GADL1: variants seen among roughly 807,000 people sequenced by gnomAD.
The protein encoded by GADL1 is acidic amino acid decarboxylase GADL1.
In GADL1, 71 loss-of-function variants were observed where a neutral mutation model predicts 69.5. That is an observed-to-expected ratio of 1.02 (90% CI 0.84 to 1.25). The LOEUF is 1.25. GADL1 is among the 50% of genes most tolerant of loss of function. GADL1 has a pLI of 0.00. For synonymous variants in GADL1, 254 were observed against 214.4 expected (o/e 1.18, Z -1.62); for missense variants, 737 against 631.8 (o/e 1.17, Z -1.79).
At chr3:30,741,190 ATGTGTGTGTGTG>A (rs60283911) in intron 14 of GADL1, among the ~76,000 whole-genome samples, 4 of 132,634 alleles carry the variant, frequency 3.0e-5, no homozygotes, top group Admixed American at 7.7e-5. Flanking sequence ...TTATATAATT[ATGTGTGTGTGTG>A]TGTGTGTGTG....
At chr3:30,810,185 C>CTT (rs1697324778) in intron 11 of GADL1, among the ~76,000 whole-genome samples, 1 of 152,152 alleles carries the variant, frequency 6.6e-6, no homozygotes, top group Non-Finnish European at 1.5e-5. Flanking sequence ...CACAAACTGG[C>CTT]TTGATGGTCT....
At chr3:30,870,994 T>G (rs1218010350) in intron 1 of GADL1, among the ~76,000 whole-genome samples, 1 of 150,874 alleles carries the variant, frequency 6.6e-6, no homozygotes, top group Non-Finnish European at 1.5e-5. Context: ...ACAAGATTCA[T>G]GCCATGGACA....
chr3:30,751,327 G>A (rs182997943), intron 14 of GADL1, among the ~76,000 whole-genome samples: 3 of 152,176 alleles, frequency 2.0e-5, no homozygotes, highest in Admixed American at 6.5e-5. Context: ...ATTGTGGTAA[G>A]GAGACTCTTG....
intron 1 of GADL1, among the ~76,000 whole-genome samples, chr3:30,876,399 T>G (rs1385149219): frequency 6.9e-6 from 1 of 145,848 alleles, no homozygotes; most frequent in African/African-American, 2.6e-5. Context: ...ATTGGTAGCA[T>G]TCGCCTATTT....
chr3:30,874,053 G>A (rs916459566), intron 1 of GADL1, among the ~76,000 whole-genome samples: 2 of 151,876 alleles, frequency 1.3e-5, no homozygotes, highest in Non-Finnish European at 2.9e-5. Context: ...TTCTAGGGAG[G>A]GAGGACACTG....
At chr3:30,860,700 C>T (rs1698307553) in intron 2 of GADL1, among the ~76,000 whole-genome samples, 1 of 151,906 alleles carries the variant, frequency 6.6e-6, no homozygotes, top group South Asian at 2.1e-4. Context: ...AAATCTCTTC[C>T]TTACATCCAT....
chr3:30,841,597 G>A (rs1352297702), intron 8 of GADL1, among the ~76,000 whole-genome samples: 1 of 152,094 alleles, frequency 6.6e-6, no homozygotes, highest in Non-Finnish European at 1.5e-5. Flanking sequence ...TGTTTCCTTA[G>A]GGAAACAAAA....
chr3:30,845,888 C>T (rs903538610), intron 6 of GADL1, among the ~76,000 whole-genome samples: 9 of 152,058 alleles, frequency 5.9e-5, no homozygotes, highest in African/African-American at 2.2e-4. Context: ...CCACTGACAT[C>T]TAACTATAAG....
intron 14 of GADL1, among the ~76,000 whole-genome samples, chr3:30,760,685 T>C (rs998675412): frequency 1.3e-5 from 2 of 152,196 alleles, no homozygotes; most frequent in African/African-American, 4.8e-5. Flanking sequence ...TAGTGAAGCT[T>C]CTAATTTGAA....
intron 11 of GADL1, among the ~76,000 whole-genome samples, chr3:30,804,228 G>A (rs1697213818): frequency 6.6e-6 from 1 of 152,108 alleles, no homozygotes; most frequent in South Asian, 2.1e-4. Flanking sequence ...CTTTCATCTT[G>A]TTCTATTGTA....
chr3:30,757,590 G>T (rs1289146421), intron 14 of GADL1, among the ~76,000 whole-genome samples: 1 of 152,158 alleles, frequency 6.6e-6, no homozygotes, highest in Non-Finnish European at 1.5e-5. Context: ...GTGGATTTCT[G>T]CTTTAAGTTT....
intron 1 of GADL1, among the ~76,000 whole-genome samples, chr3:30,863,623 CAG>C (rs1267881327): frequency 2.0e-5 from 3 of 151,762 alleles, no homozygotes; most frequent in African/African-American, 4.8e-5. Context: ...TTGAAATTGA[CAG>C]AAACAATTTT....
At chr3:30,730,597 T>C (rs536199765) in intron 14 of GADL1, among the ~76,000 whole-genome samples, 6 of 152,268 alleles carry the variant, frequency 3.9e-5, no homozygotes, top group African/African-American at 1.4e-4. Context: ...CACTTGTTTA[T>C]AAAAAGCATT....
chr3:30,740,352 G>A (rs539913297), intron 14 of GADL1, among the ~76,000 whole-genome samples: 71 of 152,230 alleles, frequency 4.7e-4, no homozygotes, highest in African/African-American at 1.7e-3. Context: ...TACATGCCAC[G>A]TCTAAGGGGA....
At chr3:30,882,940 A>G (rs1413532623) in intron 1 of GADL1, among the ~76,000 whole-genome samples, 1 of 151,842 alleles carries the variant, frequency 6.6e-6, no homozygotes, top group African/African-American at 2.4e-5. Flanking sequence ...ATCTTTGCGT[A>G]CATTTGTTGG....
Position 30,728,341 on chromosome 3 carries a change from C to G in GADL1, c.1467G>C (p.Lys489Asn). 1 of 1,613,928 alleles carries G rather than the reference C, an allele frequency of 6.2e-7. No homozygotes were observed. Among genetic ancestry groups the G allele is most frequent in the Non-Finnish European group, 8.5e-7 (1 of 1,179,860 alleles). Residue 489 changes from lysine (K) to asparagine (N), a missense_variant, in exon 15 of 15, where the codon AAG becomes AAC. Physicochemically the swap from Lys to Asn is moderately conservative, Grantham distance 94 (BLOSUM62 0). Coordinates refer to ENST00000282538, the MANE Select transcript of GADL1 (RefSeq NM_207359.3). The part of the protein sequence containing the change: ...LMLGYQPHRG[K>N]VNFFRQVVIS... ...TCACCACCTGGCGGAAGAAGTTGAC[C>G]TTTCCCCGGTGCGGCTGGTAGCCCA... is the stretch of plus-strand genomic sequence containing the variant.
intron 2 of GADL1, among the ~76,000 whole-genome samples, chr3:30,859,957 A>G (rs934608459): frequency 1.3e-5 from 2 of 151,920 alleles, no homozygotes; most frequent in Non-Finnish European, 2.9e-5. Context: ...TCATCTTATT[A>G]GTCCCCTGTG....
chr3:30,785,391 T>C (rs566573749), intron 13 of GADL1, among the ~76,000 whole-genome samples: 6 of 149,802 alleles, frequency 4.0e-5, no homozygotes, highest in African/African-American at 1.5e-4. Flanking sequence ...TCTTTTTTTT[T>C]TTTTCCCCCC....
intron 4 of GADL1, 48 bp from the exon 5 acceptor site, chr3:30,850,989 A>G: frequency 8.9e-7 from 1 of 1,126,850 alleles, no homozygotes; most frequent in Admixed American, 2.1e-5. Flanking sequence ...GAGTCAAAAC[A>G]TTCCTTTGGT....
Sources: gnomAD v4.1 joint callset for allele counts (sites outside exome capture counted in the v4.1 genomes callset) on GRCh38, gnomAD v4.1.1 for gene constraint, MANE v1.5 for transcripts, NCBI Gene and HGNC (gene_info 2026-07-23, HGNC 2026-07-21) for gene names.